ADAMTSL1: variants seen among roughly 807,000 people sequenced by gnomAD.
ADAMTSL1 encodes the protein ADAMTS like 1.
In ADAMTSL1, 126 loss-of-function variants were observed where a neutral mutation model predicts 201.8. The ratio of observed to expected loss-of-function variants is 0.62; its 90% confidence interval spans 0.54 to 0.72. The LOEUF (loss-of-function observed/expected upper bound fraction) is 0.72. Ranked by LOEUF, ADAMTSL1 falls within the 30% of genes least tolerant of loss-of-function variation. The pLI is 0.00. For missense variants in ADAMTSL1, 2,679 were observed against 2,277.8 expected (o/e 1.18, Z -3.59); for synonymous variants, 1,121 against 903.4 (o/e 1.24, Z -4.32).
chr9:18,187,887 A>G (rs937127788), intron 2 of ADAMTSL1, among the ~76,000 whole-genome samples: 2 of 152,142 alleles, frequency 1.3e-5, no homozygotes, highest in African/African-American at 4.8e-5. Flanking sequence ...TATGCAATGT[A>G]TATATCCCGT....
intron 2 of ADAMTSL1, among the ~76,000 whole-genome samples, chr9:18,234,193 C>A (rs915117807): frequency 2.6e-5 from 4 of 152,152 alleles, no homozygotes; most frequent in African/African-American, 9.7e-5. Flanking sequence ...AGCTGGGTGC[C>A]TCGGAGGACT....
At chr9:18,125,205 C>T (rs151033524) in intron 1 of ADAMTSL1, among the ~76,000 whole-genome samples, 1 of 152,116 alleles carries the variant, frequency 6.6e-6, no homozygotes, top group Non-Finnish European at 1.5e-5. Flanking sequence ...AGCAAGTCGC[C>T]TCTTACACGG....
At chr9:18,075,447 C>G (rs1823176314) in intron 1 of ADAMTSL1, among the ~76,000 whole-genome samples, 1 of 152,126 alleles carries the variant, frequency 6.6e-6, no homozygotes, top group Non-Finnish European at 1.5e-5. Context: ...CTATCCCACC[C>G]TTCTGAAGCT....
At chr9:18,421,422 C>T (rs995724079) in intron 2 of ADAMTSL1, among the ~76,000 whole-genome samples, 1 of 152,126 alleles carries the variant, frequency 6.6e-6, no homozygotes, top group Non-Finnish European at 1.5e-5. Flanking sequence ...AGACACTTAG[C>T]CAACATCACA....
intron 2 of ADAMTSL1, among the ~76,000 whole-genome samples, chr9:18,213,935 C>T (rs1829972405): frequency 6.6e-6 from 1 of 152,132 alleles, no homozygotes; most frequent in African/African-American, 2.4e-5. Context: ...TGGGGTTTCA[C>T]CATGTTGGCC....
At chr9:18,387,689 A>G (rs974979444) in intron 2 of ADAMTSL1, among the ~76,000 whole-genome samples, 1 of 152,158 alleles carries the variant, frequency 6.6e-6, no homozygotes, top group African/African-American at 2.4e-5. Flanking sequence ...TTATAATCAA[A>G]TAACATTAAC....
At chr9:17,964,584 G>A (rs1817901684) in intron 1 of ADAMTSL1, among the ~76,000 whole-genome samples, 2 of 152,034 alleles carry the variant, frequency 1.3e-5, no homozygotes, top group Non-Finnish European at 2.9e-5. Flanking sequence ...ATACACATAG[G>A]TACACACAAA....
chr9:18,099,345 ATATATATATATTT>A (rs1264816148), intron 1 of ADAMTSL1, among the ~76,000 whole-genome samples: 2 of 46,240 alleles, frequency 4.3e-5, no homozygotes, highest in African/African-American at 7.8e-5. Flanking sequence ...ATATATATAT[ATATATATATATTT>A]TTTTTTTTTT....
At chr9:18,232,576 G>C (rs1390186362) in intron 2 of ADAMTSL1, among the ~76,000 whole-genome samples, 1 of 152,154 alleles carries the variant, frequency 6.6e-6, no homozygotes, top group Non-Finnish European at 1.5e-5. Context: ...TAATAAATAT[G>C]TGTTGATTGA....
At chr9:18,785,737 A>G (rs1279844076) in intron 19 of ADAMTSL1, among the ~76,000 whole-genome samples, 1 of 152,246 alleles carries the variant, frequency 6.6e-6, no homozygotes, top group Non-Finnish European at 1.5e-5. Flanking sequence ...ATCTAATACC[A>G]GGAGGCTTAC....
At chr9:18,014,557 G>C (rs1253655717) in intron 1 of ADAMTSL1, among the ~76,000 whole-genome samples, 1 of 152,120 alleles carries the variant, frequency 6.6e-6, no homozygotes, top group Non-Finnish European at 1.5e-5. Context: ...AACTGAAACA[G>C]TTTTAACGCA....
At chr9:18,271,638 A>G (rs917335486) in intron 2 of ADAMTSL1, among the ~76,000 whole-genome samples, 18 of 152,132 alleles carry the variant, frequency 1.2e-4, no homozygotes, top group African/African-American at 3.1e-4. Context: ...ATAAACATAC[A>G]TGTGCATGTG....
intron 24 of ADAMTSL1, among the ~76,000 whole-genome samples, chr9:18,888,724 T>C (rs1489272808): frequency 6.6e-6 from 1 of 152,070 alleles, no homozygotes; most frequent in East Asian, 1.9e-4. Flanking sequence ...GGCCTATGTG[T>C]GATGTATTCC....
At chr9:18,393,678 T>A (rs1457968768) in intron 2 of ADAMTSL1, among the ~76,000 whole-genome samples, 4 of 152,212 alleles carry the variant, frequency 2.6e-5, no homozygotes, top group Admixed American at 1.3e-4. Context: ...GTCAAAGTGA[T>A]GTTGGGAGAA....
intron 1 of ADAMTSL1, among the ~76,000 whole-genome samples, chr9:18,025,731 T>G (rs1820666533): frequency 6.6e-6 from 1 of 152,060 alleles, no homozygotes; most frequent in Non-Finnish European, 1.5e-5. Flanking sequence ...GTTTGGGTTT[T>G]GGGTCTCTTT....
intron 1 of ADAMTSL1, among the ~76,000 whole-genome samples, chr9:18,101,769 A>G (rs1824533652): frequency 6.6e-6 from 1 of 152,182 alleles, no homozygotes; most frequent in Admixed American, 6.5e-5. Context: ...AAGACATGGT[A>G]GAGAATCCAG....
chr9:18,088,093 C>T (rs1415522672), intron 1 of ADAMTSL1, among the ~76,000 whole-genome samples: 3 of 152,090 alleles, frequency 2.0e-5, no homozygotes, highest in African/African-American at 7.2e-5. Context: ...CCTAGAATTA[C>T]ATACATACAG....
intron 13 of ADAMTSL1, among the ~76,000 whole-genome samples, chr9:18,692,099 C>T (rs1401699918): frequency 1.3e-5 from 2 of 152,164 alleles, no homozygotes; most frequent in Non-Finnish European, 2.9e-5. Flanking sequence ...TACTTCCTTT[C>T]TTCGTCTACA....
intron 2 of ADAMTSL1, among the ~76,000 whole-genome samples, chr9:18,339,125 A>C (rs11792115): frequency 0.1 from 15,839 of 152,254 alleles, 907 homozygotes; most frequent in Non-Finnish European, 0.12. Context: ...ATTTAAACTA[A>C]AGAGCTTCTG....
Sources: gnomAD v4.1 joint callset for allele counts (sites outside exome capture counted in the v4.1 genomes callset) on GRCh38, gnomAD v4.1.1 for gene constraint, MANE v1.5 for transcripts, NCBI Gene and HGNC (gene_info 2026-07-23, HGNC 2026-07-21) for gene names.